Variants in KCNG3 observed in about 807,000 individuals in gnomAD.
The protein encoded by KCNG3 is potassium voltage-gated channel modifier subfamily G member 3.
In KCNG3, 15 loss-of-function variants were observed where a neutral mutation model predicts 29.0. That is an observed-to-expected ratio of 0.52 (90% CI 0.35 to 0.80). KCNG3 has a LOEUF of 0.80. KCNG3 is among the 30% of genes least tolerant of loss of function. The probability of loss-of-function intolerance (pLI) is 0.01; values close to 1 mark genes in which losing one functional copy is unlikely to be tolerated. For missense variants in KCNG3, 512 were observed against 605.7 expected, an observed-to-expected ratio of 0.85 and a Z score of 1.62; for synonymous variants, 322 against 248.9, an observed-to-expected ratio of 1.29 and a Z score of -2.76.
intron 1 of KCNG3, among the ~76,000 whole-genome samples, chr2:42,469,331 C>T (rs552575017): frequency 2.7e-5 from 4 of 150,938 alleles, no homozygotes; most frequent in African/African-American, 7.3e-5. Context: ...GCAGAAGAAT[C>T]GCTTGAACCC....
chr2:42,439,739 C>G (rs1306584396), downstream of KCNG3, among the ~76,000 whole-genome samples: 1 of 151,848 alleles, frequency 6.6e-6, no homozygotes, highest in Non-Finnish European at 1.5e-5. Flanking sequence ...CTCTGCCTCC[C>G]TGGTTCAAGT....
downstream of KCNG3, among the ~76,000 whole-genome samples, chr2:42,439,704 A>T (rs1471300222): frequency 6.6e-6 from 1 of 151,526 alleles, no homozygotes; most frequent in Non-Finnish European, 1.5e-5. Flanking sequence ...TGGAGTGCAA[A>T]GGCGCGATCT....
chr2:42,458,142 A>G (rs915878976), intron 1 of KCNG3, among the ~76,000 whole-genome samples: 1 of 152,088 alleles, frequency 6.6e-6, no homozygotes, highest in Non-Finnish European at 1.5e-5. Context: ...CGGCCATTTC[A>G]TTAGGATATG....
At chr2:42,451,973 A>G (rs1374669365) in intron 1 of KCNG3, among the ~76,000 whole-genome samples, 1 of 152,034 alleles carries the variant, frequency 6.6e-6, no homozygotes, top group Admixed American at 6.6e-5. Flanking sequence ...AGAATGGGAG[A>G]TGATATTTGC....
chr2:42,434,710 C>T, the KCNG3 span, among the ~76,000 whole-genome samples: 1 of 142,190 alleles, frequency 7.0e-6, no homozygotes, highest in Non-Finnish European at 1.5e-5. Flanking sequence ...GAGACTCACA[C>T]TTCCTGATTT....
the KCNG3 span, among the ~76,000 whole-genome samples, chr2:42,397,543 T>C: frequency 6.6e-6 from 1 of 152,146 alleles, no homozygotes; most frequent in South Asian, 2.1e-4. Flanking sequence ...AAAAATTAAA[T>C]GAAAAGAAAA....
At position 42,487,156 on chromosome 2, in the gene KCNG3, CA is replaced by C. The variant is rs1194994891; in HGVS notation, c.665+5680del. On this transcript the variant is annotated intron_variant, in intron 1 of 1. Coordinates refer to ENST00000306078, the MANE Select transcript of KCNG3 (RefSeq NM_133329.6). ...TGGGTGACAGAGCAAGACTCTGTCT[CA>C]AAAAAAAAAAAAAAAAAGAATTCAC... Among the ~76,000 whole-genome samples the C allele has an allele frequency of 4.1e-3, 278 of 68,016 alleles. 3 individuals carry two copies. Among genetic ancestry groups the C allele is most frequent in the Middle Eastern group, 0.018 (2 of 110 alleles). The allele number at this position is 68,016 out of a possible 152,430, so 44.6% of individuals were successfully genotyped here.
At chr2:42,448,260 G>C (rs1359221599) in intron 1 of KCNG3, among the ~76,000 whole-genome samples, 8 of 152,148 alleles carry the variant, frequency 5.3e-5, no homozygotes, top group Non-Finnish European at 1.2e-4. Flanking sequence ...TTTGCAAAAT[G>C]ATTCCAGAGC....
the KCNG3 span, among the ~76,000 whole-genome samples, chr2:42,404,930 C>A: frequency 6.6e-6 from 1 of 152,190 alleles, no homozygotes; most frequent in African/African-American, 2.4e-5. Context: ...CTACAAACAA[C>A]TCCCCAGACC....
chr2:42,491,065 A>G (rs1286587994), intron 1 of KCNG3, among the ~76,000 whole-genome samples: 1 of 152,242 alleles, frequency 6.6e-6, no homozygotes, highest in Non-Finnish European at 1.5e-5. Flanking sequence ...ATATCTAAGT[A>G]TCTAGGAAAC....
intron 1 of KCNG3, among the ~76,000 whole-genome samples, chr2:42,485,127 T>A (rs1673687769): frequency 6.6e-6 from 1 of 152,234 alleles, no homozygotes; most frequent in South Asian, 2.1e-4. Context: ...TTAATTTTTT[T>A]AATTGAGGAT....
At chr2:42,432,579 C>G in the KCNG3 span, among the ~76,000 whole-genome samples, 1 of 152,168 alleles carries the variant, frequency 6.6e-6, no homozygotes, top group Admixed American at 6.5e-5. Flanking sequence ...GTTTGAGAAG[C>G]ATGAGGTCAG....
the KCNG3 span, among the ~76,000 whole-genome samples, chr2:42,411,735 G>A: frequency 2.0e-5 from 3 of 152,054 alleles, no homozygotes; most frequent in Admixed American, 6.6e-5. Flanking sequence ...TGCCTGCCTC[G>A]GTCTCCCAAA....
the KCNG3 span, among the ~76,000 whole-genome samples, chr2:42,401,058 T>C: frequency 2.0e-5 from 3 of 151,164 alleles, no homozygotes; most frequent in African/African-American, 7.3e-5. Context: ...TATATAAATA[T>C]TCATACATAT....
At chr2:42,389,138 A>C in the KCNG3 span, among the ~76,000 whole-genome samples, 1 of 152,222 alleles carries the variant, frequency 6.6e-6, no homozygotes, top group Non-Finnish European at 1.5e-5. Flanking sequence ...GGCTGGTCTC[A>C]AACCCCTGAC....
chr2:42,392,091 G>A, the KCNG3 span, among the ~76,000 whole-genome samples: 1 of 152,134 alleles, frequency 6.6e-6, no homozygotes, highest in African/African-American at 2.4e-5. Flanking sequence ...TATTTCATCA[G>A]TTTAATTCAA....
At chr2:42,426,080 A>G in the KCNG3 span, among the ~76,000 whole-genome samples, 1 of 152,208 alleles carries the variant, frequency 6.6e-6, no homozygotes, top group African/African-American at 2.4e-5. Flanking sequence ...TAATTTTTAT[A>G]AAATATTATT....
chr2:42,471,414 A>C (rs770320038), intron 1 of KCNG3, among the ~76,000 whole-genome samples: 12 of 152,176 alleles, frequency 7.9e-5, no homozygotes, highest in Non-Finnish European at 1.6e-4. Context: ...TCCATGTTGT[A>C]TAACTGTATT....
At chr2:42,468,076 T>C (rs888725091) in intron 1 of KCNG3, among the ~76,000 whole-genome samples, 2 of 150,924 alleles carry the variant, frequency 1.3e-5, no homozygotes, top group East Asian at 3.9e-4. Context: ...GATGCAAAAA[T>C]TCTACATAAA....
Sources: gnomAD v4.1 joint callset for allele counts (sites outside exome capture counted in the v4.1 genomes callset) on GRCh38, gnomAD v4.1.1 for gene constraint, MANE v1.5 for transcripts, NCBI Gene and HGNC (gene_info 2026-07-23, HGNC 2026-07-21) for gene names.